The following RNF38 variants were observed in gnomAD, a reference collection of about 807,000 sequenced individuals.
The protein encoded by RNF38 is E3 ubiquitin-protein ligase RNF38.
Under a neutral mutation model 67.2 loss-of-function variants are expected in RNF38, and 15 were observed. That is an observed-to-expected ratio of 0.22 (90% confidence interval 0.15 to 0.34). RNF38 has a LOEUF of 0.34. Among genes scored for constraint, RNF38 ranks in the 10% least tolerant of loss-of-function variants. RNF38 has a pLI of 1.00. For missense variants in RNF38, 524 were observed against 639.9 expected (o/e 0.82, Z 1.95); for synonymous variants, 220 against 218.8 (o/e 1.01, Z -0.05).
chr9:36,396,406 C>T (rs955709524), intron 1 of RNF38, among the ~76,000 whole-genome samples: 1 of 152,072 alleles, frequency 6.6e-6, no homozygotes, highest in African/African-American at 2.4e-5. Context: ...GTGCTCCTTG[C>T]TAGGATTTTT....
At chr9:36,485,311 T>TATATATATATATATATATATATAC (rs960400403) in intron 1 of RNF38, among the ~76,000 whole-genome samples, 65 of 152,088 alleles carry the variant, frequency 4.3e-4, no homozygotes, top group African/African-American at 1.5e-3. Context: ...AGGGTATATA[T>TATATATATATATATATATATATAC]ACACACACAC....
intron 2 of RNF38, among the ~76,000 whole-genome samples, chr9:36,411,903 G>A (rs893160938): frequency 1.3e-5 from 2 of 152,062 alleles, no homozygotes; most frequent in African/African-American, 4.8e-5. Context: ...ATAAAGAAAG[G>A]AAATTGTGAT....
chr9:36,475,338 T>C (rs954776645), intron 1 of RNF38, among the ~76,000 whole-genome samples: 2 of 152,050 alleles, frequency 1.3e-5, no homozygotes, highest in African/African-American at 4.8e-5. Flanking sequence ...TTATTATTAA[T>C]ATTAGTAATT....
intron 1 of RNF38, among the ~76,000 whole-genome samples, chr9:36,427,657 CTCTATCTATCTATCTA>C (rs146556210): frequency 0.5 from 73,988 of 147,006 alleles, 19,793 homozygotes; most frequent in Non-Finnish European, 0.61. Flanking sequence ...ATTTCCCAGC[CTCTATCTATCTATCTA>C]TCTATCTATC....
chr9:36,345,255 C>CCTTGATCTATCCATT (rs1323214150), intron 9 of RNF38, among the ~76,000 whole-genome samples: 2 of 152,146 alleles, frequency 1.3e-5, no homozygotes, highest in Non-Finnish European at 2.9e-5. Flanking sequence ...CATTAATGAA[C>CCTTGATCTATCCATT]CTTGATCTAT....
At chr9:36,378,141 C>A (rs1046717192) in intron 2 of RNF38, among the ~76,000 whole-genome samples, 1 of 149,466 alleles carries the variant, frequency 6.7e-6, no homozygotes, top group East Asian at 1.9e-4. Context: ...GGCTGCACAA[C>A]TGGTGAAACA....
At chr9:36,342,743 A>G (rs1832945223) in intron 10 of RNF38, among the ~76,000 whole-genome samples, 1 of 152,200 alleles carries the variant, frequency 6.6e-6, no homozygotes, top group African/African-American at 2.4e-5. Context: ...CTCATACCAT[A>G]TATAAAAACT....
chr9:36,424,598 C>CAACACG, intron 2 of RNF38: 1 of 982,568 alleles, frequency 1.0e-6, no homozygotes, highest in Non-Finnish European at 1.2e-6. Context: ...TGGCAGACAT[C>CAACACG]AACACGAACC....
At chr9:36,393,477 T>TTTTG (rs1554689572) in intron 1 of RNF38, among the ~76,000 whole-genome samples, 1 of 87,760 alleles carries the variant, frequency 1.1e-5, no homozygotes, top group African/African-American at 3.9e-5. Flanking sequence ...CACACACACA[T>TTTTG]TGTGTGTGTG....
intron 4 of RNF38, among the ~76,000 whole-genome samples, chr9:36,368,419 G>A (rs1227052431): frequency 1.3e-5 from 2 of 152,040 alleles, no homozygotes; most frequent in Non-Finnish European, 2.9e-5. Flanking sequence ...TACAAGCCTA[G>A]TATGTATTTC....
Position 36,338,900 on chromosome 9 carries a change from G to C in RNF38, c.*852C>G, listed in dbSNP as rs780509616. ...ATATTGCACCTTCTTTTTGGAAACAGCAAGTTGGAGATTTAAAAATTTCCA... is the reference window on the plus strand; with the variant it reads ...ATATTGCACCTTCTTTTTGGAAACACCAAGTTGGAGATTTAAAAATTTCCA... On this transcript the variant is annotated 3_prime_UTR_variant, in exon 12 of 12. Coordinates refer to ENST00000259605, the MANE Select transcript of RNF38 (RefSeq NM_022781.5). 6.6e-6 allele frequency: 1 copy of C among 152,542 alleles called. No individual in the cohort carries two copies. Among genetic ancestry groups the C allele is most frequent in the Non-Finnish European group, 1.5e-5 (1 of 68,026 alleles). 9.4% of individuals were successfully genotyped at this position (152,542 alleles called of 1,614,324 possible). A position where few individuals can be genotyped will look rare whatever the true frequency, so the allele number is the denominator to read the frequency against.
rs1188404538 is a variant in RNF38 at position 36,368,219 on chromosome 9, G to A, written c.570+1500C>T. On this transcript the variant is annotated intron_variant, in intron 4 of 11. Transcript: ENST00000259605. Reference sequence around the variant, plus strand: ...TTTTATAATTTCTGCCATGGCTACCGGTCTGCTCAGGATTTCTAATTCTTG... The same window carrying A: ...TTTTATAATTTCTGCCATGGCTACCAGTCTGCTCAGGATTTCTAATTCTTG... Among the ~76,000 whole-genome samples, 10 of 152,148 alleles carry A rather than the reference G, an allele frequency of 6.6e-5. No homozygotes were observed. The South Asian group carries it at 1.0e-3, about 16-fold the overall frequency.
intron 1 of RNF38, among the ~76,000 whole-genome samples, chr9:36,456,667 C>T (rs988403015): frequency 1.3e-5 from 2 of 152,034 alleles, no homozygotes; most frequent in African/African-American, 4.8e-5. Flanking sequence ...CACCTCTCAA[C>T]CTACTGGACA....
intron 6 of RNF38, 24 bp from the exon 7 acceptor site, chr9:36,353,355 CAT>C: frequency 1.3e-6 from 2 of 1,487,878 alleles, no homozygotes; most frequent in South Asian, 1.3e-5. Context: ...AAAAAAAACA[CAT>C]ATATGTATAT....
chr9:36,398,566 G>GT (rs1837727676), intron 1 of RNF38, among the ~76,000 whole-genome samples: 1 of 152,006 alleles, frequency 6.6e-6, no homozygotes, highest in Admixed American at 6.5e-5. Flanking sequence ...AGATAACGTC[G>GT]TATTAATTAA....
chr9:36,440,970 T>A (rs1397528997), intron 1 of RNF38, among the ~76,000 whole-genome samples: 1 of 152,172 alleles, frequency 6.6e-6, no homozygotes, highest in Admixed American at 6.5e-5. Context: ...GAAAACTCCA[T>A]GGGCAGACAC....
intron 4 of RNF38, among the ~76,000 whole-genome samples, chr9:36,366,136 G>A (rs765649106): frequency 1.3e-5 from 2 of 151,962 alleles, no homozygotes; most frequent in Non-Finnish European, 1.5e-5. Flanking sequence ...TGAATATACT[G>A]CTTTGTTTCA....
intron 10 of RNF38, 150 bp downstream of exon 10, chr9:36,344,682 C>G: frequency 6.0e-6 from 4 of 667,358 alleles, no homozygotes; most frequent in East Asian, 5.7e-5. Flanking sequence ...ATAAAGATAA[C>G]TTATCTTTAT....
intron 2 of RNF38, among the ~76,000 whole-genome samples, chr9:36,390,083 C>T (rs973250321): frequency 5.9e-5 from 9 of 152,132 alleles, no homozygotes; most frequent in East Asian, 1.9e-4. Context: ...ATGTTACTAT[C>T]GAACTCTGGG....
Sources: allele counts gnomAD v4.1 joint callset (sites outside exome capture counted in the v4.1 genomes callset), GRCh38; gene constraint gnomAD v4.1.1; transcripts MANE v1.5; gene names NCBI Gene and HGNC (gene_info 2026-07-23, HGNC 2026-07-21).